The following PPM1H variants were observed in gnomAD, a reference collection of about 807,000 sequenced individuals.
PPM1H encodes the protein protein phosphatase 1H.
PPM1H carries 27 observed loss-of-function variants against 54.9 expected under a neutral mutation model. That is an observed-to-expected ratio of 0.49 (90% confidence interval 0.36 to 0.68). The LOEUF is 0.68. Ranked by LOEUF, PPM1H falls within the 30% of genes least tolerant of loss-of-function variation. The pLI, the probability that PPM1H is intolerant of heterozygous loss-of-function variation, is 0.00. For synonymous variants in PPM1H, 305 were observed against 270.8 expected (o/e 1.13, Z -1.24); for missense variants, 596 against 667.8 (o/e 0.89, Z 1.19).
chr12:62,648,745 C>CAAATACACTTACAATACGAAA (rs2075800148), intron 9 of PPM1H, 109 bp from the exon 10 acceptor site: 1 of 1,205,714 alleles, frequency 8.3e-7, no homozygotes, highest in African/African-American at 1.5e-5. Context: ...AAATAAGTTT[C>CAAATACACTTACAATACGAAA]AAATACACTT....
chr12:62,723,386 A>G (rs1011572230), intron 5 of PPM1H, among the ~76,000 whole-genome samples: 4 of 152,012 alleles, frequency 2.6e-5, no homozygotes, highest in Non-Finnish European at 5.9e-5. Flanking sequence ...GTTGGGAACC[A>G]TCTGTTTACA....
chr12:62,801,509 G>T (rs1329724567), intron 3 of PPM1H, among the ~76,000 whole-genome samples: 1 of 152,116 alleles, frequency 6.6e-6, no homozygotes, highest in East Asian at 1.9e-4. Flanking sequence ...TAGAGACGGG[G>T]TTTCACTATG....
chr12:62,881,830 A>T (rs1384356699), intron 1 of PPM1H, among the ~76,000 whole-genome samples: 2 of 152,168 alleles, frequency 1.3e-5, no homozygotes, highest in East Asian at 1.9e-4. Flanking sequence ...GCATAATGCA[A>T]AACCCACCTA....
intron 4 of PPM1H, among the ~76,000 whole-genome samples, chr12:62,784,953 C>T (rs975299582): frequency 6.6e-6 from 1 of 152,086 alleles, no homozygotes; most frequent in Admixed American, 6.6e-5. Context: ...AACAGAAAAC[C>T]CAAATAATCA....
chr12:62,897,897 G>T (rs1871044581), intron 1 of PPM1H, among the ~76,000 whole-genome samples: 1 of 152,120 alleles, frequency 6.6e-6, no homozygotes, highest in Non-Finnish European at 1.5e-5. Flanking sequence ...GTAATGGAGT[G>T]GGGAAAAGCC....
At chr12:62,864,992 C>T (rs955316734) in intron 1 of PPM1H, among the ~76,000 whole-genome samples, 37 of 152,132 alleles carry the variant, frequency 2.4e-4, no homozygotes, top group Non-Finnish European at 4.9e-4. Flanking sequence ...TGATAAACTG[C>T]CAATAATACT....
intron 8 of PPM1H, among the ~76,000 whole-genome samples, chr12:62,679,246 A>C (rs917809501): frequency 6.6e-6 from 1 of 152,138 alleles, no homozygotes; most frequent in South Asian, 2.1e-4. Context: ...CAGCCTCCCA[A>C]AGTGCTGGGA....
At chr12:62,733,874 C>G (rs1214077773) in intron 5 of PPM1H, among the ~76,000 whole-genome samples, 1 of 152,170 alleles carries the variant, frequency 6.6e-6, no homozygotes, top group Non-Finnish European at 1.5e-5. Flanking sequence ...ATGCATTAAT[C>G]TTAGCAACGT....
At chr12:62,655,155 C>T (rs1274215944) in intron 9 of PPM1H, among the ~76,000 whole-genome samples, 1 of 152,158 alleles carries the variant, frequency 6.6e-6, no homozygotes, top group African/African-American at 2.4e-5. Context: ...TGAAGTCACT[C>T]GCAGGAGCTT....
chr12:62,744,542 A>G (rs940052641), intron 4 of PPM1H, among the ~76,000 whole-genome samples: 5 of 152,184 alleles, frequency 3.3e-5, no homozygotes, highest in Non-Finnish European at 5.9e-5. Context: ...TAAGTGAGAA[A>G]AGTAAACTGC....
At chr12:62,717,001 T>C (rs2076238235) in intron 6 of PPM1H, among the ~76,000 whole-genome samples, 1 of 152,154 alleles carries the variant, frequency 6.6e-6, no homozygotes, top group Admixed American at 6.5e-5. Flanking sequence ...AGAGATGAGG[T>C]CTTGCTCTGT....
At chr12:62,757,392 G>A (rs2076482929) in intron 4 of PPM1H, among the ~76,000 whole-genome samples, 1 of 152,122 alleles carries the variant, frequency 6.6e-6, no homozygotes, top group South Asian at 2.1e-4. Context: ...GGCCTAGTAA[G>A]GCTGAAAAAA....
At position 62,683,035 on chromosome 12, in the gene PPM1H, T is replaced by A. The variant is rs530349946; in HGVS notation, c.1245+6664A>T. Among the ~76,000 whole-genome samples the A allele has an allele frequency of 6.0e-4, 15 of 24,984 alleles. No homozygotes were observed. In the East Asian group the frequency reaches 6.2e-3, roughly 10 times the overall value. 16.4% of individuals were successfully genotyped at this position (24,984 alleles called of 152,430 possible). A position where few individuals can be genotyped will look rare whatever the true frequency, so the allele number is the denominator to read the frequency against. The stretch of plus-strand genomic sequence containing the variant: ...ACTACATTTGGGAGAGTTTATTATT[T>A]ATTATTATTATTATTATTATTATTA... On this transcript the variant is annotated intron_variant, in intron 8 of 9. Coordinates refer to ENST00000228705, the MANE Select transcript of PPM1H (RefSeq NM_020700.2).
chr12:62,819,997 G>A (rs1201523672), intron 2 of PPM1H, among the ~76,000 whole-genome samples: 1 of 152,214 alleles, frequency 6.6e-6, no homozygotes, highest in Non-Finnish European at 1.5e-5. Flanking sequence ...AAGCGCAAGG[G>A]GTCGGGGAAT....
chr12:62,802,065 G>A lies in PPM1H; in HGVS notation c.507C>T (p.His169=), dbSNP rs763058114. Residue 169 remains histidine, a synonymous_variant, in exon 3 of 10, where the codon CAC becomes CAT. Transcript: ENST00000228705. Reference sequence around the variant, plus strand: ...CGATGTCCTGCAGCTGCTCCGTGATGTGGTGCTGCAGCAGGCGTGACGCCA... The same window carrying A: ...CGATGTCCTGCAGCTGCTCCGTGATATGGTGCTGCAGCAGGCGTGACGCCA... ...AVVASRLLQH[H]ITEQLQDIVD... The A allele has an allele frequency of 6.8e-6, 11 of 1,613,290 alleles. No homozygotes were observed. Among genetic ancestry groups the A allele is most frequent in the Admixed American group, 1.7e-5 (1 of 60,018 alleles).
chr12:62,682,638 A>G (rs2076025605), intron 8 of PPM1H, among the ~76,000 whole-genome samples: 1 of 152,118 alleles, frequency 6.6e-6, no homozygotes, highest in Admixed American at 6.5e-5. Flanking sequence ...TGAGTAGCTG[A>G]GATTACAGGT....
In PPM1H at chr12:62,832,135, C is replaced by A. The variant is rs1401198237; in HGVS notation, c.390G>T (p.Gly130=). ...TTACCGAGTTCTCCTTCAGCTGCAGCCCTTCCCCATTGGGAAGGGAGGACC... is the reference window on the plus strand; with the variant it reads ...TTACCGAGTTCTCCTTCAGCTGCAGACCTTCCCCATTGGGAAGGGAGGACC... ...KRRSSLPNGE[G]LQLKENSESE... Residue 130 remains glycine (G), a synonymous_variant, in exon 2 of 10, where the codon GGG becomes GGT. Coordinates refer to ENST00000228705, the MANE Select transcript of PPM1H (RefSeq NM_020700.2). The A allele has an allele frequency of 6.2e-7, 1 of 1,613,850 alleles. No individual in the cohort carries two copies. Among genetic ancestry groups the A allele is most frequent in the East Asian group, 2.2e-5 (1 of 44,846 alleles).
At chr12:62,921,017 C>CG (rs1297004223) in intron 1 of PPM1H, among the ~76,000 whole-genome samples, 3 of 151,958 alleles carry the variant, frequency 2.0e-5, no homozygotes, top group Admixed American at 2.0e-4. Flanking sequence ...CTCCACTTCC[C>CG]GGGTTCAAGC....
intron 1 of PPM1H, among the ~76,000 whole-genome samples, chr12:62,839,254 GCT>G (rs56149342): frequency 0.065 from 9,906 of 152,138 alleles, 418 homozygotes; most frequent in African/African-American, 0.12. Context: ...TGGCTCCCAG[GCT>G]CTGTCTGTGG....
Sources: allele counts gnomAD v4.1 joint callset (sites outside exome capture counted in the v4.1 genomes callset), GRCh38; gene constraint gnomAD v4.1.1; transcripts MANE v1.5; gene names NCBI Gene and HGNC (gene_info 2026-07-23, HGNC 2026-07-21).